Variants in ASIC2 observed in about 807,000 individuals in gnomAD.
The protein encoded by ASIC2 is acid-sensing ion channel 2.
Under a neutral mutation model 57.3 loss-of-function variants are expected in ASIC2, and 25 were observed. The observed-to-expected ratio is 0.44, with a 90% CI of 0.32 to 0.61. ASIC2 has a LOEUF of 0.61. Ranked by LOEUF, ASIC2 falls within the 20% of genes least tolerant of loss-of-function variation. The pLI is 0.06. For missense variants in ASIC2, 641 were observed against 738.1 expected (o/e 0.87, Z 1.52); for synonymous variants, 319 against 307.5 (o/e 1.04, Z -0.39).
chr17:33,421,606 C>G (rs1911047693), intron 1 of ASIC2, among the ~76,000 whole-genome samples: 1 of 152,236 alleles, frequency 6.6e-6, no homozygotes, highest in South Asian at 2.1e-4. Context: ...TACTTTATAC[C>G]CAGTTTGGGG....
intron 1 of ASIC2, among the ~76,000 whole-genome samples, chr17:33,663,674 T>C (rs887798817): frequency 3.9e-5 from 6 of 152,158 alleles, no homozygotes; most frequent in Admixed American, 1.3e-4. Context: ...TAATTTATAA[T>C]TTAATGCAGC....
At chr17:33,186,776 C>G (rs1017061344) in intron 1 of ASIC2, among the ~76,000 whole-genome samples, 15 of 152,140 alleles carry the variant, frequency 9.9e-5, no homozygotes, top group Admixed American at 2.6e-4. Flanking sequence ...GTCGACCATT[C>G]TATGGTCGTT....
intron 1 of ASIC2, among the ~76,000 whole-genome samples, chr17:33,716,638 C>T (rs1408326411): frequency 6.6e-6 from 1 of 152,206 alleles, no homozygotes; most frequent in East Asian, 1.9e-4. Flanking sequence ...ATCTCCTGCC[C>T]TCGACACACA....
At chr17:33,816,065 G>A (rs1333662203) in intron 1 of ASIC2, among the ~76,000 whole-genome samples, 2 of 151,786 alleles carry the variant, frequency 1.3e-5, no homozygotes, top group African/African-American at 2.4e-5. Flanking sequence ...ACATAGGGCT[G>A]TGGGAACAGA....
intron 1 of ASIC2, among the ~76,000 whole-genome samples, chr17:33,400,290 A>T (rs575442973): frequency 6.6e-6 from 1 of 152,210 alleles, no homozygotes; most frequent in East Asian, 1.9e-4. Context: ...AGATCTCATT[A>T]TAAGGAAGAA....
chr17:33,263,364 A>G (rs1236186449), intron 1 of ASIC2, among the ~76,000 whole-genome samples: 1 of 152,212 alleles, frequency 6.6e-6, no homozygotes, highest in South Asian at 2.1e-4. Flanking sequence ...GCAGGCTGCA[A>G]TTGTGGGTTT....
intron 3 of ASIC2, among the ~76,000 whole-genome samples, chr17:33,048,506 G>C (rs2091963547): frequency 6.6e-6 from 1 of 152,178 alleles, no homozygotes; most frequent in Non-Finnish European, 1.5e-5. Context: ...GTAAAATCCA[G>C]GTAAGGGGCT....
intron 1 of ASIC2, among the ~76,000 whole-genome samples, chr17:33,892,644 G>A (rs454466): frequency 0.26 from 39,817 of 152,066 alleles, 5,398 homozygotes; most frequent in Middle Eastern, 0.37. Context: ...GGCACATGGG[G>A]CATCCTTGAG....
At chr17:33,871,448 C>T (rs890750991) in intron 1 of ASIC2, among the ~76,000 whole-genome samples, 3 of 152,214 alleles carry the variant, frequency 2.0e-5, no homozygotes, top group Non-Finnish European at 4.4e-5. Context: ...CCCTGCTCAT[C>T]TTCACTTTCT....
chr17:33,645,819 C>T (rs1567678334), intron 1 of ASIC2, among the ~76,000 whole-genome samples: 1 of 152,130 alleles, frequency 6.6e-6, no homozygotes, highest in Non-Finnish European at 1.5e-5. Flanking sequence ...CAACTCAGTC[C>T]TTGCAGGGAT....
At chr17:33,856,939 T>C (rs1913972860) in intron 1 of ASIC2, among the ~76,000 whole-genome samples, 1 of 151,926 alleles carries the variant, frequency 6.6e-6, no homozygotes, top group Non-Finnish European at 1.5e-5. Flanking sequence ...GCTTGTCTTG[T>C]AGTCACGGAG....
chr17:33,312,744 G>A (rs1371030997), intron 1 of ASIC2, among the ~76,000 whole-genome samples: 2 of 152,206 alleles, frequency 1.3e-5, no homozygotes, highest in East Asian at 3.9e-4. Flanking sequence ...AGACCAGCCT[G>A]ACCAACATGG....
intron 1 of ASIC2, among the ~76,000 whole-genome samples, chr17:33,999,526 T>G (rs1043807827): frequency 6.6e-6 from 1 of 152,188 alleles, no homozygotes; most frequent in Admixed American, 6.5e-5. Context: ...CTTATCTGTA[T>G]GTACTACAGG....
chr17:33,405,408 G>A (rs932010251), intron 1 of ASIC2, among the ~76,000 whole-genome samples: 1 of 151,926 alleles, frequency 6.6e-6, no homozygotes, highest in Non-Finnish European at 1.5e-5. Flanking sequence ...CTCACTAACT[G>A]GAGAGAGATC....
chr17:33,708,438 C>A (rs1461831267), intron 1 of ASIC2, among the ~76,000 whole-genome samples: 1 of 152,096 alleles, frequency 6.6e-6, no homozygotes, highest in East Asian at 1.9e-4. Context: ...TTAACAAAAT[C>A]TTTTTACATT....
chr17:33,211,287 T>G (rs1309250201), intron 1 of ASIC2, among the ~76,000 whole-genome samples: 2 of 152,136 alleles, frequency 1.3e-5, no homozygotes, highest in Admixed American at 1.3e-4. Flanking sequence ...AGGTGAGCTG[T>G]GCTCACCTTT....
intron 1 of ASIC2, among the ~76,000 whole-genome samples, chr17:33,729,331 C>T (rs1325729991): frequency 6.6e-6 from 1 of 152,144 alleles, no homozygotes; most frequent in Admixed American, 6.5e-5. Flanking sequence ...TCATTCATTA[C>T]CTCTAGGATG....
chr17:33,111,835 C>T, intron 2 of ASIC2, 82 bp downstream of exon 2: 1 of 1,528,406 alleles, frequency 6.5e-7, no homozygotes, highest in Non-Finnish European at 8.8e-7. Context: ...ACAGGGTGGG[C>T]CAAGACAGCT....
chr17:33,375,299 C>T (rs115576512), intron 1 of ASIC2, among the ~76,000 whole-genome samples: 1,950 of 151,626 alleles, frequency 0.013, 49 homozygotes, highest in African/African-American at 0.045. Flanking sequence ...GGAAGAATCT[C>T]CCGGCAGAGG....
Sources: gnomAD v4.1 joint callset for allele counts (sites outside exome capture counted in the v4.1 genomes callset) on GRCh38, gnomAD v4.1.1 for gene constraint, MANE v1.5 for transcripts, NCBI Gene and HGNC (gene_info 2026-07-23, HGNC 2026-07-21) for gene names.